The following COL19A1 variants were observed in gnomAD, a reference collection of about 807,000 sequenced individuals.
COL19A1 encodes collagen type XIX alpha 1 chain, also known as collagen alpha-1(XIX) chain.
A neutral mutation model predicts 190.2 loss-of-function variants in COL19A1; 159 were observed. The observed-to-expected ratio is 0.84, with a 90% CI of 0.73 to 0.95. The LOEUF is 0.95. Ranked by LOEUF, COL19A1 falls within the 40% of genes least tolerant of loss-of-function variation. The pLI is 0.00. For synonymous variants in COL19A1, 509 were observed against 458.9 expected, an observed-to-expected ratio of 1.11 and a Z score of -1.39; for missense variants, 1,418 against 1,431.9, an observed-to-expected ratio of 0.99 and a Z score of 0.16.
In COL19A1 at chr6:69,993,003, C is replaced by T. The variant is rs561504536; in HGVS notation, c.1026+30133C>T. Among the ~76,000 whole-genome samples the T allele has an allele frequency of 2.6e-4, 39 of 152,042 alleles. 1 individual carries two copies. In the South Asian group the frequency reaches 6.9e-3, roughly 27 times the overall value. On this transcript the variant is annotated intron_variant, in intron 11 of 50. Transcript: ENST00000620364. ...CTTCCAATACTGCGTTGAATGGGAG[C>T]GATGAGAGAGGCCATCCTTGTCTTG...
intron 9 of COL19A1, among the ~76,000 whole-genome samples, chr6:69,940,040 A>G (rs1773372649): frequency 1.3e-5 from 2 of 151,860 alleles, no homozygotes; most frequent in South Asian, 4.1e-4. Context: ...AAGAAATTTC[A>G]TGTGTTGCTT....
At chr6:69,986,252 T>C (rs866443805) in intron 11 of COL19A1, among the ~76,000 whole-genome samples, 3,143 of 114,634 alleles carry the variant, frequency 0.027, 93 homozygotes, top group African/African-American at 0.099. Context: ...TATATATATA[T>C]ACACACACAC....
At chr6:70,021,361 CA>C (rs1778405174) in intron 11 of COL19A1, among the ~76,000 whole-genome samples, 1 of 152,036 alleles carries the variant, frequency 6.6e-6, no homozygotes, top group Non-Finnish European at 1.5e-5. Context: ...TGTACACACA[CA>C]TCTCTTTAAT....
At chr6:70,104,261 A>T (rs1783815775) in intron 16 of COL19A1, among the ~76,000 whole-genome samples, 1 of 152,192 alleles carries the variant, frequency 6.6e-6, no homozygotes, top group Admixed American at 6.5e-5. Flanking sequence ...ACTTATAAAG[A>T]AAAGAGGCTT....
intron 22 of COL19A1, 89 bp downstream of exon 22, chr6:70,142,165 A>G: frequency 8.4e-7 from 1 of 1,186,912 alleles, no homozygotes. Context: ...TATGCCACTC[A>G]TTTTCTTCAC....
intron 9 of COL19A1, among the ~76,000 whole-genome samples, chr6:69,946,423 G>A (rs970044106): frequency 2.0e-5 from 3 of 151,980 alleles, no homozygotes; most frequent in African/African-American, 7.2e-5. Flanking sequence ...ATCATATCTG[G>A]ATTAGCATAT....
At chr6:69,981,554 A>G (rs1413158372) in intron 11 of COL19A1, among the ~76,000 whole-genome samples, 1 of 152,114 alleles carries the variant, frequency 6.6e-6, no homozygotes, top group East Asian at 1.9e-4. Context: ...GTTAATAACA[A>G]AAGTCTGGCA....
chr6:69,947,958 G>A (rs2150031819), intron 9 of COL19A1, among the ~76,000 whole-genome samples: 1 of 151,918 alleles, frequency 6.6e-6, no homozygotes, highest in Admixed American at 6.6e-5. Context: ...TAAGCTTACT[G>A]ATGACATTAA....
chr6:70,049,149 A>G (rs566459601), intron 14 of COL19A1, among the ~76,000 whole-genome samples: 158 of 152,104 alleles, frequency 1.0e-3, no homozygotes, highest in African/African-American at 3.5e-3. Flanking sequence ...TGAGTTGCCT[A>G]AATTTGAATC....
intron 11 of COL19A1, among the ~76,000 whole-genome samples, chr6:70,018,467 G>A (rs1425509040): frequency 1.3e-5 from 2 of 152,052 alleles, no homozygotes; most frequent in African/African-American, 4.8e-5. Flanking sequence ...TGATTCACTG[G>A]AGTTAGCTCC....
chr6:70,095,899 G>A (rs565564384), intron 15 of COL19A1, among the ~76,000 whole-genome samples: 1 of 152,166 alleles, frequency 6.6e-6, no homozygotes, highest in Admixed American at 6.5e-5. Context: ...ATATTCCATT[G>A]TATGTTTGTA....
intron 14 of COL19A1, among the ~76,000 whole-genome samples, chr6:70,043,846 T>G (rs953456734): frequency 3.2e-4 from 49 of 152,174 alleles, no homozygotes; most frequent in African/African-American, 1.2e-3. Flanking sequence ...TACCTTAAAG[T>G]CACAAACTGT....
intron 36 of COL19A1, among the ~76,000 whole-genome samples, chr6:70,164,697 A>G (rs1788021107): frequency 6.6e-6 from 1 of 152,180 alleles, no homozygotes; most frequent in Admixed American, 6.5e-5. Context: ...GGGGGAAAAA[A>G]AAGACTTTTC....
intron 6 of COL19A1, among the ~76,000 whole-genome samples, chr6:69,931,224 C>CAAAACTGATATG (rs1212158295): frequency 6.6e-6 from 1 of 151,926 alleles, no homozygotes; most frequent in African/African-American, 2.4e-5. Flanking sequence ...GAGAAAGTGA[C>CAAAACTGATATG]AAAACTGATA....
chr6:70,198,217 C>T (rs938058728), intron 48 of COL19A1, among the ~76,000 whole-genome samples: 2 of 152,158 alleles, frequency 1.3e-5, no homozygotes, highest in East Asian at 1.9e-4. Context: ...GTTTCTACTG[C>T]GTTGTTGTCT....
At chr6:69,945,293 T>C (rs1472919736) in intron 9 of COL19A1, among the ~76,000 whole-genome samples, 1 of 152,052 alleles carries the variant, frequency 6.6e-6, no homozygotes, top group Non-Finnish European at 1.5e-5. Flanking sequence ...TAAGTTAGCT[T>C]ATTTGACTTC....
At chr6:69,967,207 T>G (rs2150051220) in intron 11 of COL19A1, among the ~76,000 whole-genome samples, 1 of 152,338 alleles carries the variant, frequency 6.6e-6, no homozygotes, top group Middle Eastern at 3.4e-3. Context: ...GTTCACTGAA[T>G]AGTGATGTTT....
At position 70,153,158 on chromosome 6, in the gene COL19A1, A is replaced by G. The variant is rs141349246; in HGVS notation, c.2079+1720A>G. Among the ~76,000 whole-genome samples the G allele has an allele frequency of 1.1e-3, 167 of 152,270 alleles. 1 individual carries two copies. The highest frequency in any genetic ancestry group is 3.8e-3 in the African/African-American group (159 of 41,572). Reference sequence around the variant, plus strand: ...AGTTCCCCGAACAAAATCCAAATACAGGAATTTAGACTGTGGGTTGGATCT... The same window carrying G: ...AGTTCCCCGAACAAAATCCAAATACGGGAATTTAGACTGTGGGTTGGATCT... On this transcript the variant is annotated intron_variant, in intron 31 of 50. Coordinates refer to ENST00000620364, the MANE Select transcript of COL19A1 (RefSeq NM_001858.6).
chr6:70,189,968 C>T (rs1342155428), intron 47 of COL19A1, among the ~76,000 whole-genome samples: 3 of 152,198 alleles, frequency 2.0e-5, no homozygotes, highest in Non-Finnish European at 4.4e-5. Flanking sequence ...AGGCTACTAA[C>T]ATCATGTTTA....
Sources: allele counts gnomAD v4.1 joint callset (sites outside exome capture counted in the v4.1 genomes callset), GRCh38; gene constraint gnomAD v4.1.1; transcripts MANE v1.5; gene names NCBI Gene and HGNC (gene_info 2026-07-23, HGNC 2026-07-21).